Variants in LRP1B observed in about 807,000 individuals in gnomAD.
LRP1B encodes LDL receptor related protein 1B.
Under a neutral mutation model 556.6 loss-of-function variants are expected in LRP1B, and 217 were observed. The ratio of observed to expected loss-of-function variants is 0.39; its 90% CI spans 0.35 to 0.44. LRP1B has a LOEUF of 0.44. LRP1B is among the 20% of genes least tolerant of loss of function. LRP1B has a pLI of 1.00. For synonymous variants in LRP1B, 2,047 were observed against 1,865.8 expected, an observed-to-expected ratio of 1.10 and a Z score of -2.50; for missense variants, 5,053 against 5,620.8, an observed-to-expected ratio of 0.90 and a Z score of 3.23.
chr2:140,585,219 T>C (rs181355828), intron 43 of LRP1B, among the ~76,000 whole-genome samples: 18 of 152,202 alleles, frequency 1.2e-4, no homozygotes, highest in Admixed American at 1.1e-3. Context: ...AGGGGGGATT[T>C]ACAAGAATTA....
intron 2 of LRP1B, among the ~76,000 whole-genome samples, chr2:141,771,140 A>T (rs1694886753): frequency 1.3e-5 from 2 of 152,218 alleles, no homozygotes; most frequent in Admixed American, 1.3e-4. Context: ...TTATAACTAG[A>T]TGTTCTAAGT....
At position 141,831,738 on chromosome 2, in the gene LRP1B, G is replaced by A. The variant is rs1256632913; in HGVS notation, c.83-21337C>T. Among the ~76,000 whole-genome samples, 4 of 151,640 alleles carry A rather than the reference G, an allele frequency of 2.6e-5. No homozygotes were observed. The South Asian group carries it at 8.3e-4, about 31-fold the overall frequency. On this transcript the variant is annotated intron_variant, in intron 1 of 90. Transcript: ENST00000389484. ...ATAGCATGCTTTGTTGTTGTGTTGA[G>A]AAAATCATATAGTATTATATACAAA...
chr2:141,148,032 C>G (rs1470409790), intron 7 of LRP1B, among the ~76,000 whole-genome samples: 1 of 152,138 alleles, frequency 6.6e-6, no homozygotes, highest in Admixed American at 6.5e-5. Context: ...TAAGTACACT[C>G]TATGATGCTC....
chr2:141,215,840 C>T (rs543565798), intron 6 of LRP1B, among the ~76,000 whole-genome samples: 7 of 152,216 alleles, frequency 4.6e-5, no homozygotes, highest in South Asian at 4.1e-4. Context: ...AATGAGTTAA[C>T]GTTGGAATTT....
intron 7 of LRP1B, among the ~76,000 whole-genome samples, chr2:141,110,187 G>T (rs375038319): frequency 3.2e-4 from 49 of 152,142 alleles, no homozygotes; most frequent in South Asian, 1.5e-3. Context: ...ATAATTTAGG[G>T]TATAGGGACA....
chr2:140,564,367 C>T (rs758376921), intron 43 of LRP1B, among the ~76,000 whole-genome samples: 36 of 152,082 alleles, frequency 2.4e-4, no homozygotes, highest in Admixed American at 7.2e-4. Context: ...TAAGAGATAT[C>T]CTTGGATTTC....
At chr2:140,478,339 T>TG (rs1688064418) in intron 59 of LRP1B, among the ~76,000 whole-genome samples, 1 of 151,672 alleles carries the variant, frequency 6.6e-6, no homozygotes. Context: ...TTAGTAGAGA[T>TG]GGGGTTTCAC....
At chr2:141,207,530 C>A (rs1305998314) in intron 6 of LRP1B, among the ~76,000 whole-genome samples, 1 of 152,144 alleles carries the variant, frequency 6.6e-6, no homozygotes. Context: ...TTTCAGTAAG[C>A]AAAATGGTAT....
chr2:140,522,790 T>C (rs1293083573), intron 49 of LRP1B, among the ~76,000 whole-genome samples: 1 of 151,808 alleles, frequency 6.6e-6, no homozygotes, highest in Non-Finnish European at 1.5e-5. Context: ...CTCTAAAATT[T>C]AGAGAAAATG....
chr2:140,800,604 T>C (rs1453232947), intron 32 of LRP1B, among the ~76,000 whole-genome samples: 2 of 152,172 alleles, frequency 1.3e-5, no homozygotes, highest in African/African-American at 4.8e-5. Flanking sequence ...TTATTACTGT[T>C]AAAAATAATA....
rs138148356 is a variant in LRP1B at position 141,801,511 on chromosome 2, T to A, written c.205+8768A>T. ...AAGATAGCCGTTATTTGCACTTCCATCTGCATGTGCTAGATCACCAGGAGG... is the reference window on the plus strand; with the variant it reads ...AAGATAGCCGTTATTTGCACTTCCAACTGCATGTGCTAGATCACCAGGAGG... On this transcript the variant is annotated intron_variant, in intron 2 of 90. Transcript: ENST00000389484. Among the ~76,000 whole-genome samples, 3 of 152,292 alleles carry A rather than the reference T, an allele frequency of 2.0e-5. No individual in the cohort carries two copies. In the East Asian group the frequency reaches 5.8e-4, roughly 29 times the overall value.
At chr2:140,502,078 T>A (rs1251622417) in intron 54 of LRP1B, among the ~76,000 whole-genome samples, 2 of 152,090 alleles carry the variant, frequency 1.3e-5, no homozygotes, top group Non-Finnish European at 1.5e-5. Flanking sequence ...TGTTCAATAC[T>A]TATTGCAAAT....
chr2:141,944,348 A>G (rs763917825), intron 1 of LRP1B, among the ~76,000 whole-genome samples: 1 of 152,152 alleles, frequency 6.6e-6, no homozygotes, highest in East Asian at 1.9e-4. Context: ...TAACCTCTTA[A>G]ATGTGAAAGT....
chr2:140,594,087 C>G (rs1034093534), intron 43 of LRP1B, among the ~76,000 whole-genome samples: 1 of 151,994 alleles, frequency 6.6e-6, no homozygotes, highest in Non-Finnish European at 1.5e-5. Context: ...AAGCGATTCT[C>G]CTGCCTCAGC....
intron 66 of LRP1B, among the ~76,000 whole-genome samples, chr2:140,425,583 G>A (rs1255917109): frequency 1.3e-5 from 2 of 152,072 alleles, no homozygotes; most frequent in African/African-American, 4.8e-5. Flanking sequence ...GCTAATTTTT[G>A]CATTTTTAGT....
intron 7 of LRP1B, among the ~76,000 whole-genome samples, chr2:141,130,438 TATAG>T (rs1190629931): frequency 2.2e-4 from 33 of 152,174 alleles, no homozygotes; most frequent in African/African-American, 7.0e-4. Flanking sequence ...TTGACATGAG[TATAG>T]ATAATGTTTG....
intron 7 of LRP1B, among the ~76,000 whole-genome samples, chr2:141,186,870 G>A (rs1261915974): frequency 3.3e-5 from 5 of 152,018 alleles, no homozygotes; most frequent in South Asian, 4.1e-4. Flanking sequence ...ATTTGAAAAG[G>A]GCCTCTGGAT....
chr2:141,302,653 G>A (rs1302345724), intron 3 of LRP1B, among the ~76,000 whole-genome samples: 2 of 151,984 alleles, frequency 1.3e-5, no homozygotes, highest in African/African-American at 4.8e-5. Flanking sequence ...CAGCCCTATT[G>A]TTACAAGATG....
At chr2:141,774,986 T>C (rs1574345897) in intron 2 of LRP1B, among the ~76,000 whole-genome samples, 1 of 152,230 alleles carries the variant, frequency 6.6e-6, no homozygotes, top group Non-Finnish European at 1.5e-5. Flanking sequence ...CTGATTCTAA[T>C]GGAAAAAAAG....
Sources: allele counts gnomAD v4.1 joint callset (sites outside exome capture counted in the v4.1 genomes callset), GRCh38; gene constraint gnomAD v4.1.1; transcripts MANE v1.5; gene names NCBI Gene and HGNC (gene_info 2026-07-23, HGNC 2026-07-21).